SOX6: variants seen among roughly 807,000 people sequenced by gnomAD.
SOX6 encodes transcription factor SOX-6.
SOX6 carries 11 observed loss-of-function variants against 97.8 expected under a neutral mutation model. The observed-to-expected ratio is 0.11, with a 90% CI of 0.07 to 0.19. SOX6 has a LOEUF of 0.19. SOX6 is among the 10% of genes least tolerant of loss of function. The pLI is 1.00. For synonymous variants in SOX6, 360 were observed against 371.4 expected (o/e 0.97, Z 0.35); for missense variants, 810 against 1,039.5 (o/e 0.78, Z 3.04).
chr11:16,329,361 C>T (rs148089666), intron 2 of SOX6, among the ~76,000 whole-genome samples: 4 of 152,144 alleles, frequency 2.6e-5, no homozygotes, highest in Admixed American at 6.5e-5. Flanking sequence ...CATAGAAAAG[C>T]CCTGCATTAT....
chr11:16,049,286 C>T (rs1391153224), intron 11 of SOX6, among the ~76,000 whole-genome samples: 2 of 152,140 alleles, frequency 1.3e-5, no homozygotes, highest in Non-Finnish European at 2.9e-5. Flanking sequence ...TCTTTTCCTA[C>T]ATATCAATAG....
At chr11:16,698,866 A>G (rs1848072614) in intron 3 of SOX6, among the ~76,000 whole-genome samples, 1 of 152,214 alleles carries the variant, frequency 6.6e-6, no homozygotes, top group Admixed American at 6.5e-5. Flanking sequence ...ACTCCAAAAT[A>G]ATTATAATAG....
intron 9 of SOX6, among the ~76,000 whole-genome samples, chr11:16,082,112 C>T (rs1190391517): frequency 6.6e-6 from 1 of 152,176 alleles, no homozygotes; most frequent in Non-Finnish European, 1.5e-5. Context: ...TTTGTTTCTG[C>T]TCTTTTTTCC....
intron 4 of SOX6, among the ~76,000 whole-genome samples, chr11:16,604,790 AAAC>A (rs1848314188): frequency 6.6e-6 from 1 of 152,204 alleles, no homozygotes; most frequent in Non-Finnish European, 1.5e-5. Flanking sequence ...AATTCACACA[AAAC>A]AACATTTTCA....
chr11:16,590,456 T>C (rs960026662), intron 4 of SOX6, among the ~76,000 whole-genome samples: 1 of 152,168 alleles, frequency 6.6e-6, no homozygotes, highest in Non-Finnish European at 1.5e-5. Context: ...GATAGTACCA[T>C]GGACTTCACT....
chr11:16,304,163 T>A (rs546110369), intron 3 of SOX6, among the ~76,000 whole-genome samples: 1 of 152,204 alleles, frequency 6.6e-6, no homozygotes, highest in South Asian at 2.1e-4. Context: ...TGATCCACCC[T>A]CTTCGGTCTT....
intron 4 of SOX6, among the ~76,000 whole-genome samples, chr11:16,559,610 T>G (rs1405069446): frequency 1.3e-5 from 2 of 152,148 alleles, no homozygotes; most frequent in Non-Finnish European, 2.9e-5. Flanking sequence ...ATTTCCATTA[T>G]TCACCCTTGG....
At chr11:16,302,845 C>G (rs905398410) in intron 3 of SOX6, among the ~76,000 whole-genome samples, 1 of 152,132 alleles carries the variant, frequency 6.6e-6, no homozygotes, top group East Asian at 1.9e-4. Flanking sequence ...GCTGGGATTA[C>G]AGGCAGGAGC....
chr11:16,268,058 G>A (rs187289305), intron 3 of SOX6, among the ~76,000 whole-genome samples: 250 of 151,444 alleles, frequency 1.7e-3, no homozygotes, highest in Middle Eastern at 6.8e-3. Flanking sequence ...GAAATGGAGA[G>A]ATGGCAATCA....
intron 12 of SOX6, among the ~76,000 whole-genome samples, chr11:16,020,600 G>A (rs1056668798): frequency 4.6e-5 from 7 of 152,054 alleles, no homozygotes; most frequent in Non-Finnish European, 7.4e-5. Flanking sequence ...ATAATACCAC[G>A]ATCATCCTTC....
chr11:16,669,198 T>C (rs1390696210), intron 3 of SOX6, among the ~76,000 whole-genome samples: 2 of 152,244 alleles, frequency 1.3e-5, no homozygotes, highest in African/African-American at 4.8e-5. Context: ...AAGTATCTTC[T>C]CTGACCATAA....
intron 1 of SOX6, among the ~76,000 whole-genome samples, chr11:16,420,637 G>A (rs911827878): frequency 6.6e-6 from 1 of 152,074 alleles, no homozygotes; most frequent in Non-Finnish European, 1.5e-5. Context: ...TTTTTAAAAC[G>A]TATTTTTTTC....
rs146106511 is a variant in SOX6 at position 16,666,695 on chromosome 11, G to A, written n.429+48135C>T. On this transcript the variant is annotated intron_variant and non_coding_transcript_variant, in intron 3 of 5. Coordinates refer to the SOX6 transcript ENST00000524520. ...GCCTATAATCCCAGCTATTCAGGAG[G>A]CTGAGGCAGGAGAATCACTTGAACC... 4.4e-3 allele frequency among the ~76,000 whole-genome samples: 671 copies of A among 152,236 alleles called. 4 individuals are homozygous for A. The highest frequency in any genetic ancestry group is 0.016 in the African/African-American group (649 of 41,544).
At chr11:16,542,764 T>G (rs570393475) in intron 4 of SOX6, among the ~76,000 whole-genome samples, 11 of 152,262 alleles carry the variant, frequency 7.2e-5, no homozygotes, top group African/African-American at 2.6e-4. Flanking sequence ...TAATATAACA[T>G]GAATAAAAAC....
At chr11:16,509,969 G>A (rs761988696) in intron 4 of SOX6, among the ~76,000 whole-genome samples, 4 of 151,894 alleles carry the variant, frequency 2.6e-5, no homozygotes, top group Non-Finnish European at 2.9e-5. Flanking sequence ...ACTTTATCGT[G>A]GCTTTTACGA....
chr11:16,703,420 T>C (rs1204320990), intron 3 of SOX6, among the ~76,000 whole-genome samples: 6 of 152,180 alleles, frequency 3.9e-5, no homozygotes, highest in Non-Finnish European at 7.4e-5. Flanking sequence ...ATATTTGTTA[T>C]GAAAAAGACT....
intron 4 of SOX6, among the ~76,000 whole-genome samples, chr11:16,521,763 C>T (rs1273163546): frequency 1.3e-5 from 2 of 151,986 alleles, no homozygotes; most frequent in African/African-American, 4.8e-5. Context: ...ACTAGAAGAA[C>T]CAATACAGAG....
chr11:16,665,044 G>A (rs1041259407), intron 3 of SOX6, among the ~76,000 whole-genome samples: 1 of 151,904 alleles, frequency 6.6e-6, no homozygotes, highest in East Asian at 1.9e-4. Flanking sequence ...TAATCAGCAG[G>A]GGTAACCAGA....
At chr11:16,268,657 C>T (rs534495177) in intron 3 of SOX6, among the ~76,000 whole-genome samples, 1 of 151,078 alleles carries the variant, frequency 6.6e-6, no homozygotes, top group East Asian at 1.9e-4. Context: ...ATCTGACAGT[C>T]GTATCGCTTC....
Sources: gnomAD v4.1 joint callset for allele counts (sites outside exome capture counted in the v4.1 genomes callset) on GRCh38, gnomAD v4.1.1 for gene constraint, MANE v1.5 for transcripts, NCBI Gene and HGNC (gene_info 2026-07-23, HGNC 2026-07-21) for gene names.